HERC6: variants seen among roughly 807,000 people sequenced by gnomAD.
HERC6 encodes the protein probable E3 ubiquitin-protein ligase HERC6.
A neutral mutation model predicts 114.5 loss-of-function variants in HERC6; 101 were observed. The observed-to-expected ratio is 0.88, with a 90% CI of 0.75 to 1.04. HERC6 has a LOEUF of 1.04. Among genes scored for constraint, HERC6 ranks in the 50% least tolerant of loss-of-function variants. The pLI is 0.00. For missense variants in HERC6, 1,133 were observed against 1,230.9 expected, an observed-to-expected ratio of 0.92 and a Z score of 1.19; for synonymous variants, 408 against 436.2, an observed-to-expected ratio of 0.94 and a Z score of 0.81.
rs559398984 is a variant in HERC6 at position 88,435,479 on chromosome 4, C to T, written c.2251-246C>T. 3.8e-4 allele frequency among the ~76,000 whole-genome samples: 58 copies of T among 152,094 alleles called. No individual in the cohort carries two copies. In the Middle Eastern group the frequency reaches 0.014, roughly 36 times the overall value. On this transcript the variant is annotated intron_variant, in intron 17 of 22. Transcript: ENST00000264346. ...AAAGCTGTCTGAGCATATTTTTTAA[C>T]GTTCCAGATAAAATGAATTCATTTA...
chr4:88,432,219 G>A (rs1432930000), intron 17 of HERC6, among the ~76,000 whole-genome samples: 6 of 151,914 alleles, frequency 3.9e-5, no homozygotes, highest in Non-Finnish European at 2.9e-5. Context: ...AGGTGTATAC[G>A]AACTATTAAT....
chr4:88,437,680 T>C (rs1315958537), intron 19 of HERC6, 31 bp from the exon 20 acceptor site: 1 of 1,402,582 alleles, frequency 7.1e-7, no homozygotes, highest in South Asian at 1.2e-5. Context: ...CTTACTTTGA[T>C]ATTTGGTACC....
chr4:88,406,977 T>C (rs1275909308), intron 10 of HERC6, among the ~76,000 whole-genome samples: 1 of 152,172 alleles, frequency 6.6e-6, no homozygotes, highest in Admixed American at 6.5e-5. Flanking sequence ...CAGGCTGGTC[T>C]CAAACTCCTG....
At chr4:88,423,658 A>C (rs1364942627) in intron 13 of HERC6, among the ~76,000 whole-genome samples, 1 of 152,198 alleles carries the variant, frequency 6.6e-6, no homozygotes, top group Non-Finnish European at 1.5e-5. Flanking sequence ...CTTATCTTTG[A>C]CATTTCTTCA....
At position 88,396,864 on chromosome 4, in the gene HERC6, G is replaced by A. The variant is rs1409834577; in HGVS notation, c.901G>A (p.Ala301Thr). 6.3e-7 allele frequency: 1 copy of A among 1,580,366 alleles called. No individual in the cohort carries two copies. The highest frequency in any genetic ancestry group is 8.6e-7 in the Non-Finnish European group (1 of 1,161,200). ...QIDCGSYHTL[A>T]YVHTTGQVVS... Reference sequence around the variant, plus strand: ...TCTTTCCTGTAGTTATCACACCCTGGCATATGTGCACACCACTGGTCAGGT... The same window carrying A: ...TCTTTCCTGTAGTTATCACACCCTGACATATGTGCACACCACTGGTCAGGT... The change falls in exon 7 of 23, where the codon GCA becomes ACA. Residue 301 changes from alanine to threonine, a missense_variant. Transcript: ENST00000264346.
In HERC6 at chr4:88,437,714, C is replaced by A. The variant is rs1434178847; in HGVS notation, c.2488C>A (p.His830Asn). 4.4e-6 allele frequency: 7 copies of A among 1,597,086 alleles called. No individual in the cohort carries two copies. Among genetic ancestry groups the A allele is most frequent in the Non-Finnish European group, 5.1e-6 (6 of 1,169,676 alleles). ...CCTGAATACATTTTGGTTACAGATA[C>A]ACTGGGACCAAAATGATGTTGACTT... ...GDALCIRFSI[H>N]WDQNDVDLIP... The change falls in exon 20 of 23, where the codon CAC (histidine) becomes AAC (asparagine). Residue 830 changes from histidine (H) to asparagine (N), a missense_variant. Coordinates refer to ENST00000264346, the MANE Select transcript of HERC6 (RefSeq NM_017912.4).
chr4:88,380,561 CA>C lies in HERC6; in HGVS notation c.199+1447del, dbSNP rs1400190190. The stretch of plus-strand genomic sequence containing the variant: ...ATGAAACCCCATCTCTACTAAAATA[CA>C]AAAAATAAACTGGGCGTGGTGGCGG... On this transcript the variant is annotated intron_variant, in intron 1 of 22. Transcript: ENST00000264346. Among the ~76,000 whole-genome samples, 47 of 146,194 alleles carry C rather than the reference CA, an allele frequency of 3.2e-4. 1 individual carries two copies.
intron 10 of HERC6, among the ~76,000 whole-genome samples, chr4:88,405,917 T>C (rs1453059104): frequency 6.6e-6 from 1 of 152,226 alleles, no homozygotes; most frequent in Non-Finnish European, 1.5e-5. Context: ...AAATCTCACA[T>C]TGCTTTAGTA....
At chr4:88,420,940 A>G (rs1455940238) in intron 13 of HERC6, among the ~76,000 whole-genome samples, 1 of 152,052 alleles carries the variant, frequency 6.6e-6, no homozygotes, top group Non-Finnish European at 1.5e-5. Context: ...CTCAACTCCC[A>G]TCCCCTTATT....
intron 8 of HERC6, among the ~76,000 whole-genome samples, chr4:88,400,069 T>G (rs780218583): frequency 2.2e-4 from 34 of 152,118 alleles, no homozygotes; most frequent in Non-Finnish European, 4.0e-4. Context: ...ATGGAGCCAG[T>G]TCTGTATGCT....
intron 5 of HERC6, among the ~76,000 whole-genome samples, chr4:88,394,702 G>A (rs957792515): frequency 1.1e-4 from 16 of 151,276 alleles, no homozygotes; most frequent in Middle Eastern, 6.8e-3. Flanking sequence ...GTGCCACCAC[G>A]CCTGGCTAAT....
intron 14 of HERC6, among the ~76,000 whole-genome samples, 187 bp from the exon 15 acceptor site, chr4:88,424,408 G>A (rs542349731): frequency 4.3e-4 from 66 of 152,256 alleles, no homozygotes; most frequent in African/African-American, 1.5e-3. Context: ...TGAGCCCAGA[G>A]AAGGAGGTTT....
intron 12 of HERC6, among the ~76,000 whole-genome samples, chr4:88,414,355 G>A (rs913967681): frequency 1.3e-5 from 2 of 151,638 alleles, no homozygotes; most frequent in East Asian, 1.9e-4. Flanking sequence ...ACACACCTGT[G>A]GTCCCAGCTA....
At chr4:88,402,144 G>A (rs1735577854) in intron 8 of HERC6, among the ~76,000 whole-genome samples, 1 of 152,202 alleles carries the variant, frequency 6.6e-6, no homozygotes, top group Admixed American at 6.5e-5. Flanking sequence ...TGGACTGCAG[G>A]TTTTACTCTA....
chr4:88,385,871 G>A (rs1734549985), intron 3 of HERC6, among the ~76,000 whole-genome samples: 1 of 152,132 alleles, frequency 6.6e-6, no homozygotes, highest in Non-Finnish European at 1.5e-5. Flanking sequence ...ATGCTGAATG[G>A]CCTGTCCACA....
At position 88,380,179 on chromosome 4, in the gene HERC6, TATAA is replaced by T. The variant is rs1408206927; in HGVS notation, c.199+1063_199+1066del. Among the ~76,000 whole-genome samples the T allele has an allele frequency of 1.0e-4, 2 of 19,310 alleles. 1 individual carries two copies. Among genetic ancestry groups the T allele is most frequent in the Non-Finnish European group, 1.6e-4 (2 of 12,544 alleles). The allele number at this position is 19,310 out of a possible 152,430, so 12.7% of individuals were successfully genotyped here. A position where few individuals can be genotyped will look rare whatever the true frequency, so the allele number is the denominator to read the frequency against. On this transcript the variant is annotated intron_variant, in intron 1 of 22. Transcript: ENST00000264346. ...ATAATATATAAATATATATATAATA[TATAA>T]ATATATATATAATATAAATATATAT...
intron 14 of HERC6, 28 bp from the exon 15 acceptor site, chr4:88,424,566 CA>C (rs1209058789): frequency 6.8e-7 from 1 of 1,467,368 alleles, no homozygotes; most frequent in Non-Finnish European, 9.4e-7. Context: ...TTTTAATTAT[CA>C]AAACTATTAT....
chr4:88,404,881 T>C lies in HERC6; in HGVS notation c.1098T>C (p.Thr366=). ...TGTTTCTTCCTTCCCTGAAGGATAC[T>C]AGTTCCACACGTGCTCCCGGGAAAA... The part of the protein sequence containing the change: ...YANFVTTHQD[T]SSTRAPGKTL... The change falls in exon 9 of 23, where the codon ACT becomes ACC. Residue 366 remains threonine (T), a synonymous_variant. Coordinates refer to ENST00000264346, the MANE Select transcript of HERC6 (RefSeq NM_017912.4). 6.2e-7 allele frequency: 1 copy of C among 1,613,526 alleles called. No homozygotes were observed. The highest frequency in any genetic ancestry group is 1.1e-5 in the South Asian group (1 of 91,072).
chr4:88,417,647 T>G (rs894857418), intron 13 of HERC6, 68 bp downstream of exon 13: 1 of 1,345,716 alleles, frequency 7.4e-7, no homozygotes. Flanking sequence ...TCTCAACCAG[T>G]TGGACTTCTA....
Sources: gnomAD v4.1 joint callset for allele counts (sites outside exome capture counted in the v4.1 genomes callset) on GRCh38, gnomAD v4.1.1 for gene constraint, MANE v1.5 for transcripts, NCBI Gene and HGNC (gene_info 2026-07-23, HGNC 2026-07-21) for gene names.